WHRN: variants seen among roughly 807,000 people sequenced by gnomAD.
WHRN encodes CASK-interacting protein CIP98.
A neutral mutation model predicts 68.3 loss-of-function variants in WHRN; 41 were observed. That is an observed-to-expected ratio of 0.60 (90% CI 0.47 to 0.78). The LOEUF (loss-of-function observed/expected upper bound fraction) is 0.78. Ranked by LOEUF, WHRN falls within the 30% of genes least tolerant of loss-of-function variation. The probability of loss-of-function intolerance (pLI) is 0.00; values close to 1 mark genes in which losing one functional copy is unlikely to be tolerated. For missense variants in WHRN, 1,243 were observed against 1,244.7 expected (o/e 1.00, Z 0.02); for synonymous variants, 560 against 561.3 (o/e 1.00, Z 0.03).
At chr9:114,450,801 G>A (rs1839252397) in intron 3 of WHRN, among the ~76,000 whole-genome samples, 1 of 149,880 alleles carries the variant, frequency 6.7e-6, no homozygotes, top group Non-Finnish European at 1.5e-5. Flanking sequence ...GTCAGAAGTA[G>A]CTGCTATTGT....
intron 1 of WHRN, among the ~76,000 whole-genome samples, chr9:114,497,258 A>C (rs10817628): frequency 0.31 from 47,434 of 152,120 alleles, 7,969 homozygotes; most frequent in Non-Finnish European, 0.37. Flanking sequence ...TAGGAAACTC[A>C]GGTGGAGAGA....
intron 1 of WHRN, among the ~76,000 whole-genome samples, chr9:114,486,432 T>C (rs530952367): frequency 6.6e-6 from 1 of 152,328 alleles, no homozygotes; most frequent in African/African-American, 2.4e-5. Context: ...CAAGACAAGT[T>C]CCTTGAGGCA....
chr9:114,406,172 G>C (rs771936421), intron 9 of WHRN, among the ~76,000 whole-genome samples, 183 bp downstream of exon 9: 37 of 152,140 alleles, frequency 2.4e-4, no homozygotes, highest in Non-Finnish European at 4.0e-4. Flanking sequence ...CTTGTCCACA[G>C]TCACACAGCC....
In WHRN at chr9:114,425,015, G is replaced by C. The variant is rs200276167; in HGVS notation, c.1176C>G (p.Gly392=). The change falls in exon 5 of 12, where the codon GGC becomes GGG. Residue 392 remains glycine, a synonymous_variant. Transcript: ENST00000362057. ...ETMANSAGFL[G]DLTTEGINKP... ...TGTTTATTCCTTCTGTTGTGAGATCGCCAAGAAACCTGTGGGGAAAGACAC... is the reference window on the plus strand; with the variant it reads ...TGTTTATTCCTTCTGTTGTGAGATCCCCAAGAAACCTGTGGGGAAAGACAC... 2 of 1,614,112 alleles carry C rather than the reference G, an allele frequency of 1.2e-6. No homozygotes were observed. Among genetic ancestry groups the C allele is most frequent in the Non-Finnish European group, 1.7e-6 (2 of 1,179,982 alleles).
chr9:114,443,274 C>T (rs150883315), intron 3 of WHRN, among the ~76,000 whole-genome samples: 3 of 152,214 alleles, frequency 2.0e-5, no homozygotes, highest in Non-Finnish European at 2.9e-5. Context: ...TAAAACAACA[C>T]GAATTTATTA....
In WHRN at chr9:114,472,890, A is replaced by G. The variant is rs111495784; in HGVS notation, c.837+5663T>C. ...ACATGGCTGGCATGACCATCCTCCA[A>G]TCATGGATGCGGAAGCTTAAGTGAC... On this transcript the variant is annotated intron_variant, in intron 2 of 11. Coordinates refer to ENST00000362057, the MANE Select transcript of WHRN (RefSeq NM_015404.4). Among the ~76,000 whole-genome samples, 468 of 152,306 alleles carry G rather than the reference A, an allele frequency of 3.1e-3. 3 individuals are homozygous for G. Among genetic ancestry groups the G allele is most frequent in the African/African-American group, 0.01 (431 of 41,560 alleles).
At chr9:114,444,082 T>C (rs190188135) in intron 3 of WHRN, among the ~76,000 whole-genome samples, 7 of 152,318 alleles carry the variant, frequency 4.6e-5, no homozygotes, top group Admixed American at 3.9e-4. Context: ...GACACAGGAA[T>C]TATGGGAGTA....
At chr9:114,450,347 A>C (rs1338070717) in intron 3 of WHRN, among the ~76,000 whole-genome samples, 3 of 152,142 alleles carry the variant, frequency 2.0e-5, no homozygotes, top group African/African-American at 7.2e-5. Flanking sequence ...GACAGGCAGG[A>C]TTAGCCTCGA....
Position 114,406,444 on chromosome 9 carries a change from C to T in WHRN, c.2147G>A (p.Gly716Asp), listed in dbSNP as rs755324136. 4 of 1,614,172 alleles carry T rather than the reference C, an allele frequency of 2.5e-6. No individual in the cohort carries two copies. The highest frequency in any genetic ancestry group is 4.5e-5 in the East Asian group (2 of 44,870). Residue 716 changes from glycine to aspartate, a missense_variant, in exon 9 of 12, where the codon GGC becomes GAC. Transcript: ENST00000362057. ...PSPSGHPDQT[G>D]TNQHFVMVEV... is the part of the protein sequence containing the mutation. ...CACCATGACAAAGTGCTGGTTTGTG[C>T]CTGTCTGGTCTGGGTGGCCAGAGGG...
chr9:114,478,811 G>C, intron 1 of WHRN, 40 bp from the exon 2 acceptor site: 1 of 1,578,622 alleles, frequency 6.3e-7, no homozygotes, highest in Non-Finnish European at 8.6e-7. Context: ...GAAGGGAGGT[G>C]CCGGGGGTGT....
In WHRN at chr9:114,425,134, G is replaced by A. The variant is rs767060638; in HGVS notation, c.1167-110C>T. ...AAGAGCAAAGCTTCAAGAGAACCAT[G>A]CATCGTGGCCTCCACTCGCTGCCAG... On this transcript the variant is annotated intron_variant, in intron 4 of 11. Coordinates refer to ENST00000362057, the MANE Select transcript of WHRN (RefSeq NM_015404.4). 3.5e-6 allele frequency: 4 copies of A among 1,136,742 alleles called. No homozygotes were observed. The South Asian group carries it at 4.9e-5, about 14-fold the overall frequency. The allele number at this position is 1,136,742 out of a possible 1,614,324, so 70.4% of individuals were successfully genotyped here. A position where few individuals can be genotyped will look rare whatever the true frequency, so the allele number is the denominator to read the frequency against.
chr9:114,472,218 G>C (rs1181650311), intron 2 of WHRN, among the ~76,000 whole-genome samples: 3 of 152,218 alleles, frequency 2.0e-5, no homozygotes, highest in Non-Finnish European at 4.4e-5. Flanking sequence ...CAGTCCGGCT[G>C]GAACCTCATA....
At chr9:114,461,357 A>AT (rs1840230790) in intron 3 of WHRN, among the ~76,000 whole-genome samples, 1 of 152,194 alleles carries the variant, frequency 6.6e-6, no homozygotes, top group African/African-American at 2.4e-5. Context: ...CTCTATGCAT[A>AT]TTTTTGCATT....
At chr9:114,434,171 T>C (rs1476522582) in intron 3 of WHRN, among the ~76,000 whole-genome samples, 2 of 152,150 alleles carry the variant, frequency 1.3e-5, no homozygotes, top group Non-Finnish European at 2.9e-5. Context: ...GCCAGCTACC[T>C]TGTACAGTTT....
intron 7 of WHRN, among the ~76,000 whole-genome samples, chr9:114,422,548 C>G (rs1287273369): frequency 1.3e-5 from 2 of 152,180 alleles, no homozygotes; most frequent in Non-Finnish European, 2.9e-5. Flanking sequence ...GAGAGTCACG[C>G]TGGGGCCACG....
intron 4 of WHRN, chr9:114,425,240 G>A (rs529583778): frequency 1.2e-5 from 8 of 686,254 alleles, no homozygotes; most frequent in Admixed American, 2.1e-5. Flanking sequence ...CAGTGTGCAC[G>A]GCACCTCCAA....
In WHRN at chr9:114,441,537, A is replaced by G. The variant is rs183881200; in HGVS notation, c.964-15124T>C. Among the ~76,000 whole-genome samples the G allele has an allele frequency of 4.6e-5, 7 of 152,350 alleles. No individual in the cohort carries two copies. In the East Asian group the frequency reaches 1.3e-3, roughly 29 times the overall value. Reference sequence around the variant, plus strand: ...CAAGGCTGGGCAGGAAAAGTACAAGATGAGCCTGAACCATCTTCTTGAGTC... The same window carrying G: ...CAAGGCTGGGCAGGAAAAGTACAAGGTGAGCCTGAACCATCTTCTTGAGTC... On this transcript the variant is annotated intron_variant, in intron 3 of 11. Coordinates refer to ENST00000362057, the MANE Select transcript of WHRN (RefSeq NM_015404.4).
chr9:114,477,304 T>G (rs541301691), intron 2 of WHRN, among the ~76,000 whole-genome samples: 1 of 152,360 alleles, frequency 6.6e-6, no homozygotes, highest in East Asian at 1.9e-4. Context: ...TGTGGCCTCC[T>G]GGCAGTCAGT....
chr9:114,418,911 T>C (rs1836027883), intron 7 of WHRN, among the ~76,000 whole-genome samples: 1 of 152,224 alleles, frequency 6.6e-6, no homozygotes, highest in African/African-American at 2.4e-5. Flanking sequence ...TGCTGTCTGT[T>C]CAACTCCATC....
Sources: allele counts gnomAD v4.1 joint callset (sites outside exome capture counted in the v4.1 genomes callset), GRCh38; gene constraint gnomAD v4.1.1; transcripts MANE v1.5; gene names NCBI Gene and HGNC (gene_info 2026-07-23, HGNC 2026-07-21).